Variants in CHP1 observed in about 807,000 individuals in gnomAD.
CHP1 encodes the protein calcineurin B homologous protein 1.
A neutral mutation model predicts 27.4 loss-of-function variants in CHP1; 11 were observed. That is an observed-to-expected ratio of 0.40 (90% CI 0.25 to 0.67). The LOEUF is 0.67. Among genes scored for constraint, CHP1 ranks in the 30% least tolerant of loss-of-function variants. The pLI is 0.38. For missense variants in CHP1, 169 were observed against 251.3 expected (o/e 0.67, Z 2.22); for synonymous variants, 89 against 87.4 (o/e 1.02, Z -0.10).
chr15:41,231,619 C>T (rs967711785), intron 1 of CHP1, among the ~76,000 whole-genome samples, 170 bp downstream of exon 1: 1 of 152,060 alleles, frequency 6.6e-6, no homozygotes, highest in African/African-American at 2.4e-5. Context: ...GCTGCAGCTT[C>T]CTGGAGCGGG....
intron 5 of CHP1, among the ~76,000 whole-genome samples, chr15:41,278,249 C>T (rs1393430597): frequency 2.0e-5 from 3 of 147,306 alleles, no homozygotes; most frequent in Middle Eastern, 3.5e-3. Flanking sequence ...AGGAGAACGG[C>T]GTGAACCCGG....
intron 3 of CHP1, among the ~76,000 whole-genome samples, chr15:41,260,184 T>C (rs1222504976): frequency 6.6e-6 from 1 of 151,822 alleles, no homozygotes; most frequent in East Asian, 1.9e-4. Flanking sequence ...TTTTTTTTTT[T>C]AGGTAACCAC....
intron 3 of CHP1, among the ~76,000 whole-genome samples, chr15:41,260,675 G>A (rs1056394503): frequency 2.0e-5 from 3 of 152,154 alleles, no homozygotes; most frequent in South Asian, 2.1e-4. Flanking sequence ...GATTATAGAC[G>A]TGAGCCACTG....
intron 2 of CHP1, among the ~76,000 whole-genome samples, chr15:41,247,129 G>A (rs957421547): frequency 2.0e-4 from 31 of 152,156 alleles, no homozygotes; most frequent in African/African-American, 7.2e-4. Flanking sequence ...AGCACTTTGG[G>A]AGGCCAAGGC....
chr15:41,245,791 A>G (rs2047331606), intron 2 of CHP1, among the ~76,000 whole-genome samples: 2 of 152,222 alleles, frequency 1.3e-5, no homozygotes, highest in East Asian at 1.9e-4. Flanking sequence ...TTTAAAGCAC[A>G]AAAGTTTTTA....
intron 4 of CHP1, 146 bp downstream of exon 4, chr15:41,263,029 A>G: frequency 9.2e-7 from 1 of 1,081,828 alleles, no homozygotes; most frequent in African/African-American, 1.6e-5. Context: ...CCAAGATTAA[A>G]TACTAGTCTA....
intron 1 of CHP1, among the ~76,000 whole-genome samples, chr15:41,235,790 G>C (rs2047273761): frequency 6.6e-6 from 1 of 152,174 alleles, no homozygotes; most frequent in Non-Finnish European, 1.5e-5. Flanking sequence ...TAGAATGTAA[G>C]TAGAAATTCA....
chr15:41,242,858 G>T (rs977649439), intron 1 of CHP1, among the ~76,000 whole-genome samples: 1 of 151,542 alleles, frequency 6.6e-6, no homozygotes, highest in Non-Finnish European at 1.5e-5. Context: ...CAGGAGAATC[G>T]CTTGAACACG....
chr15:41,251,014 T>C (rs1171436622), intron 2 of CHP1, among the ~76,000 whole-genome samples: 2 of 152,094 alleles, frequency 1.3e-5, no homozygotes, highest in Non-Finnish European at 2.9e-5. Flanking sequence ...TTTTTATTTT[T>C]AGTAGAGACG....
intron 5 of CHP1, among the ~76,000 whole-genome samples, chr15:41,273,284 C>T (rs1205919666): frequency 2.6e-5 from 4 of 152,114 alleles, no homozygotes; most frequent in African/African-American, 7.2e-5. Flanking sequence ...ATATATTTCA[C>T]CCACACCAAC....
intron 4 of CHP1, 39 bp from the exon 5 acceptor site, chr15:41,270,518 C>T (rs762394367): frequency 2.0e-6 from 3 of 1,518,576 alleles, no homozygotes; most frequent in Non-Finnish European, 1.8e-6. Flanking sequence ...GGGCAACACA[C>T]TACAGAATTT....
At chr15:41,235,541 A>G (rs932954448) in intron 1 of CHP1, among the ~76,000 whole-genome samples, 1 of 152,060 alleles carries the variant, frequency 6.6e-6, no homozygotes, top group Admixed American at 6.6e-5. Context: ...AAAACAAACA[A>G]CAACCACAAA....
rs1163537727 is a variant in CHP1, at chr15:41,249,462, CTTTTTTTTTTT to C, written c.140+5741_140+5751del. Among the ~76,000 whole-genome samples, 467 of 78,550 alleles carry C rather than the reference CTTTTTTTTTTT, an allele frequency of 5.9e-3. 3 individuals carry two copies. Among genetic ancestry groups the C allele is most frequent in the South Asian group, 0.043 (81 of 1,888 alleles). 51.5% of individuals were successfully genotyped at this position (78,550 alleles called of 152,430 possible). On this transcript the variant is annotated intron_variant, in intron 2 of 6. Transcript: ENST00000334660. The stretch of plus-strand genomic sequence containing the variant: ...TGCCACCATGCCTGGCCTTCACCTT[CTTTTTTTTTTT>C]TTTTTTTTTTTTTTTTTGAGATGGA...
rs1163537727 is a variant in CHP1 at position 41,249,462 on chromosome 15, C to CTT, written c.140+5750_140+5751dup. Among the ~76,000 whole-genome samples the CTT allele has an allele frequency of 1.7e-3, 134 of 78,534 alleles. 5 individuals are homozygous for CTT. The highest frequency in any genetic ancestry group is 2.1e-3 in the South Asian group (4 of 1,880). 51.5% of individuals were successfully genotyped at this position (78,534 alleles called of 152,430 possible). A position where few individuals can be genotyped will look rare whatever the true frequency, so the allele number is the denominator to read the frequency against. On this transcript the variant is annotated intron_variant, in intron 2 of 6. Coordinates refer to ENST00000334660, the MANE Select transcript of CHP1 (RefSeq NM_007236.5). ...TGCCACCATGCCTGGCCTTCACCTT[C>CTT]TTTTTTTTTTTTTTTTTTTTTTTTT...
In CHP1 at chr15:41,270,604, G is replaced by A. The variant is rs780476773; in HGVS notation, c.397G>A (p.Asp133Asn). The change falls in exon 5 of 7, where the codon GAT (aspartate) becomes AAT (asparagine). Residue 133 changes from aspartate (D) to asparagine (N), a missense_variant. By Grantham distance (23) the Asp-to-Asn change is conservative. Transcript: ENST00000334660. ...GGATAAAGATGAAAAGATCTCCCGT[G>A]ATGAGCTGTTACAGGTATGTGGAGA... The part of the protein sequence containing the change: ...DLDKDEKISR[D>N]ELLQVLRMMV... 2 of 1,613,718 alleles carry A rather than the reference G, an allele frequency of 1.2e-6. No individual in the cohort carries two copies. The highest frequency in any genetic ancestry group is 8.5e-7 in the Non-Finnish European group (1 of 1,179,730).
chr15:41,277,814 G>T (rs957537844), intron 5 of CHP1, among the ~76,000 whole-genome samples: 10 of 143,190 alleles, frequency 7.0e-5, no homozygotes, highest in Non-Finnish European at 1.2e-4. Flanking sequence ...AAAAGGCATG[G>T]TTGCACACAC....
chr15:41,268,863 G>A (rs2047474974), intron 4 of CHP1, among the ~76,000 whole-genome samples: 1 of 151,092 alleles, frequency 6.6e-6, no homozygotes, highest in African/African-American at 2.4e-5. Context: ...GGGAGGCTGA[G>A]GCAGGAGAAT....
At chr15:41,243,887 T>C (rs2047319832) in intron 2 of CHP1, 148 bp downstream of exon 2, 1 of 671,858 alleles carries the variant, frequency 1.5e-6, no homozygotes, top group Non-Finnish European at 2.6e-6. Context: ...TTGAGCATCA[T>C]TGATCCACAA....
intron 1 of CHP1, among the ~76,000 whole-genome samples, 162 bp downstream of exon 1, chr15:41,231,611 T>G (rs1331004327): frequency 6.6e-6 from 1 of 152,058 alleles, no homozygotes; most frequent in Non-Finnish European, 1.5e-5. Context: ...TTCTTCCAGC[T>G]GCAGCTTCCT....
Sources: gnomAD v4.1 joint callset for allele counts (sites outside exome capture counted in the v4.1 genomes callset) on GRCh38, gnomAD v4.1.1 for gene constraint, MANE v1.5 for transcripts, NCBI Gene and HGNC (gene_info 2026-07-23, HGNC 2026-07-21) for gene names.